Variants in TMEM62 observed in about 807,000 individuals in gnomAD.
The protein encoded by TMEM62 is transmembrane protein 62.
TMEM62 carries 41 observed loss-of-function variants against 70.4 expected under a neutral mutation model. That is an observed-to-expected ratio of 0.58 (90% CI 0.45 to 0.76). The LOEUF is 0.76. Ranked by LOEUF, TMEM62 falls within the 30% of genes least tolerant of loss-of-function variation. The pLI, the probability that TMEM62 is intolerant of heterozygous loss-of-function variation, is 0.00. For synonymous variants in TMEM62, 268 were observed against 291.0 expected (o/e 0.92, Z 0.80); for missense variants, 688 against 788.5 (o/e 0.87, Z 1.53).
chr15:43,160,668 T>C lies in TMEM62; in HGVS notation c.1183-13T>C. 6.9e-7 allele frequency: 1 copy of C among 1,453,262 alleles called. No individual in the cohort carries two copies. The highest frequency in any genetic ancestry group is 2.3e-5 in the East Asian group (1 of 43,616). 90.0% of individuals were successfully genotyped at this position (1,453,262 alleles called of 1,614,324 possible). A position where few individuals can be genotyped will look rare whatever the true frequency, so the allele number is the denominator to read the frequency against. On this transcript the variant is annotated splice_polypyrimidine_tract_variant and intron_variant, in intron 9 of 13. Transcript: ENST00000260403. ...GTACATGAAAGTTACTTTTCTTCTG[T>C]GGTTATTACTAGGATTCTGCTGGAA...
chr15:43,149,725 A>T (rs1246969027), intron 7 of TMEM62, among the ~76,000 whole-genome samples: 4 of 151,870 alleles, frequency 2.6e-5, no homozygotes, highest in African/African-American at 9.7e-5. Flanking sequence ...CCTGGCCCAA[A>T]CTGCCTTTTT....
At chr15:43,135,378 G>A in intron 2 of TMEM62, 134 bp from the exon 3 acceptor site, 1 of 795,126 alleles carries the variant, frequency 1.3e-6, no homozygotes, top group Non-Finnish European at 1.8e-6. Context: ...GACATTGGTG[G>A]TCTCGTGAGC....
At chr15:43,181,355 TA>T in intron 13 of TMEM62, 56 bp downstream of exon 13, 1 of 1,121,054 alleles carries the variant, frequency 8.9e-7, no homozygotes, top group Non-Finnish European at 1.4e-6. Context: ...ACTAATTGCA[TA>T]ACAGTTATGA....
Position 43,151,770 on chromosome 15 carries a change from T to G in TMEM62, c.867-20T>G, listed in dbSNP as rs1193026564. On this transcript the variant is annotated intron_variant, in intron 7 of 13. Transcript: ENST00000260403. ...ACAATGTGAAGTGACTAAATTACCT[T>G]ATCATTATCTGGTCTTTAGGTACCG... 6.2e-7 allele frequency: 1 copy of G among 1,609,506 alleles called. No homozygotes were observed. Among genetic ancestry groups the G allele is most frequent in the South Asian group, 1.1e-5 (1 of 90,344 alleles).
At chr15:43,134,541 G>C (rs2034927745) in intron 2 of TMEM62, among the ~76,000 whole-genome samples, 173 bp downstream of exon 2, 1 of 152,196 alleles carries the variant, frequency 6.6e-6, no homozygotes. Context: ...ATGGATAACT[G>C]AATGAGTCAA....
intron 9 of TMEM62, among the ~76,000 whole-genome samples, chr15:43,156,820 A>G (rs2038101638): frequency 6.6e-6 from 1 of 152,208 alleles, no homozygotes; most frequent in South Asian, 2.1e-4. Context: ...TGACATATGT[A>G]TACATCCTTG....
intron 10 of TMEM62, among the ~76,000 whole-genome samples, chr15:43,164,436 TTTC>T (rs984781258): frequency 1.5e-4 from 23 of 151,966 alleles, no homozygotes; most frequent in Admixed American, 2.6e-4. Context: ...CTTCAGATGA[TTTC>T]TTTTTTCTTT....
At position 43,134,307 on chromosome 15, in the gene TMEM62, CT is replaced by C. The variant is rs749668898; in HGVS notation, c.233del (p.Leu78Ter). ...RFRDPGRAVD[L>X]EKFCSETIDI... The stretch of plus-strand genomic sequence containing the variant: ...TTCGAGATCCAGGCAGAGCGGTAGA[CT>C]TAGAGAAATTCTGTTCTGAAACTAT... On this transcript the variant is annotated frameshift_variant, in exon 2 of 14. Coordinates refer to ENST00000260403, the MANE Select transcript of TMEM62 (RefSeq NM_024956.4). LOFTEE classifies it high-confidence loss of function. 1 of 1,614,172 alleles carries C rather than the reference CT, an allele frequency of 6.2e-7. No individual in the cohort carries two copies. Among genetic ancestry groups the C allele is most frequent in the Non-Finnish European group, 8.5e-7 (1 of 1,180,024 alleles).
At chr15:43,157,081 G>T (rs937533859) in intron 9 of TMEM62, among the ~76,000 whole-genome samples, 4 of 152,096 alleles carry the variant, frequency 2.6e-5, no homozygotes, top group Non-Finnish European at 5.9e-5. Flanking sequence ...CAAAATCCGT[G>T]GGAGAAGACA....
chr15:43,155,365 G>A (rs542860818), intron 9 of TMEM62, among the ~76,000 whole-genome samples: 65 of 151,990 alleles, frequency 4.3e-4, no homozygotes, highest in Admixed American at 1.4e-3. Flanking sequence ...GCATGGTGGC[G>A]TGCATCTGTA....
chr15:43,168,179 CGGAGAG>C lies in TMEM62; in HGVS notation c.1297-1381_1297-1376del, dbSNP rs1198667187. On this transcript the variant is annotated intron_variant, in intron 10 of 13. Transcript: ENST00000260403. ...AGGGAGAGGGAGAGGGAGACGGAGA[CGGAGAG>C]GGAGAGGGAGAGGGAGAGGGAGAGG... Among the ~76,000 whole-genome samples the C allele has an allele frequency of 2.6e-3, 72 of 28,148 alleles. 1 individual carries two copies. The highest frequency in any genetic ancestry group is 7.7e-3 in the East Asian group (9 of 1,166). The allele number at this position is 28,148 out of a possible 152,430, so 18.5% of individuals were successfully genotyped here. A position where few individuals can be genotyped will look rare whatever the true frequency, so the allele number is the denominator to read the frequency against.
intron 2 of TMEM62, among the ~76,000 whole-genome samples, chr15:43,134,589 C>T (rs964251189): frequency 4.6e-5 from 7 of 152,172 alleles, no homozygotes; most frequent in African/African-American, 1.7e-4. Flanking sequence ...AAGGTTTTGT[C>T]AAAGCAGTAG....
intron 11 of TMEM62, among the ~76,000 whole-genome samples, chr15:43,177,164 C>T (rs1165205809): frequency 6.6e-6 from 1 of 151,968 alleles, no homozygotes; most frequent in African/African-American, 2.4e-5. Context: ...ACGAGCAAAG[C>T]CTCCAAGAAA....
Position 43,184,818 on chromosome 15 carries a change from A to C in TMEM62, c.*232A>C. 1.6e-5 allele frequency: 9 copies of C among 563,274 alleles called. 1 individual carries two copies. The South Asian group carries it at 1.7e-4, about 10-fold the overall frequency. 34.9% of individuals were successfully genotyped at this position (563,274 alleles called of 1,614,324 possible). A position where few individuals can be genotyped will look rare whatever the true frequency, so the allele number is the denominator to read the frequency against. ...TTATTCCTTCCCTCCCTAAGGAGGCAAAGAGTTGATTTACCTTTGTGAAGA... is the reference window on the plus strand; with the variant it reads ...TTATTCCTTCCCTCCCTAAGGAGGCCAAGAGTTGATTTACCTTTGTGAAGA... On this transcript the variant is annotated 3_prime_UTR_variant, in exon 14 of 14. Coordinates refer to ENST00000260403, the MANE Select transcript of TMEM62 (RefSeq NM_024956.4).
intron 10 of TMEM62, among the ~76,000 whole-genome samples, chr15:43,166,914 GAA>G (rs748447044): frequency 2.0e-5 from 3 of 152,170 alleles, no homozygotes; most frequent in Non-Finnish European, 4.4e-5. Context: ...AGAACAAAAT[GAA>G]AAGTCTCCCA....
At chr15:43,150,835 C>T (rs1165222350) in intron 7 of TMEM62, among the ~76,000 whole-genome samples, 1 of 152,220 alleles carries the variant, frequency 6.6e-6, no homozygotes, top group African/African-American at 2.4e-5. Flanking sequence ...AAACTAGTCA[C>T]ATGGTCCCAA....
intron 3 of TMEM62, among the ~76,000 whole-genome samples, chr15:43,136,646 G>A (rs2035263711): frequency 6.6e-6 from 1 of 151,726 alleles, no homozygotes; most frequent in African/African-American, 2.4e-5. Context: ...AGAAGAGGTG[G>A]GGTTTCACCA....
chr15:43,169,791 A>G lies in TMEM62; in HGVS notation c.1381+114A>G, dbSNP rs548877032. ...CAATATGAATGACCATGGCCCAGGG[A>G]AAACACAAACTCAAGAAGCCTTGAG... On this transcript the variant is annotated intron_variant, in intron 11 of 13. Transcript: ENST00000260403. 22 of 832,326 alleles carry G rather than the reference A, an allele frequency of 2.6e-5. No individual in the cohort carries two copies. The South Asian group carries it at 2.8e-4, about 11-fold the overall frequency. The allele number at this position is 832,326 out of a possible 1,614,324, so 51.6% of individuals were successfully genotyped here. A position where few individuals can be genotyped will look rare whatever the true frequency, so the allele number is the denominator to read the frequency against.
intron 10 of TMEM62, among the ~76,000 whole-genome samples, chr15:43,161,120 C>T (rs1046038807): frequency 3.3e-5 from 5 of 152,070 alleles, no homozygotes; most frequent in African/African-American, 1.2e-4. Context: ...TCTGTGTTTT[C>T]AGGCATCCAC....
Sources: gnomAD v4.1 joint callset for allele counts (sites outside exome capture counted in the v4.1 genomes callset) on GRCh38, gnomAD v4.1.1 for gene constraint, MANE v1.5 for transcripts, NCBI Gene and HGNC (gene_info 2026-07-23, HGNC 2026-07-21) for gene names.